ORC3: variants seen among roughly 807,000 people sequenced by gnomAD.
The protein encoded by ORC3 is origin recognition complex subunit 3.
Under a neutral mutation model 100.7 loss-of-function variants are expected in ORC3, and 78 were observed. The observed-to-expected ratio is 0.77, with a 90% CI of 0.65 to 0.94. ORC3 has a LOEUF of 0.94. Ranked by LOEUF, ORC3 falls within the 40% of genes least tolerant of loss-of-function variation. The pLI is 0.00. For synonymous variants in ORC3, 295 were observed against 289.3 expected (o/e 1.02, Z -0.20); for missense variants, 789 against 823.9 (o/e 0.96, Z 0.52).
intron 12 of ORC3, among the ~76,000 whole-genome samples, chr6:87,636,055 C>T (rs1329632808): frequency 2.0e-5 from 3 of 151,578 alleles, no homozygotes; most frequent in African/African-American, 7.3e-5. Flanking sequence ...CACCATTCTC[C>T]TGCCTCAGCC....
intron 13 of ORC3, among the ~76,000 whole-genome samples, chr6:87,649,882 A>T (rs1171166400): frequency 6.6e-6 from 1 of 152,094 alleles, no homozygotes; most frequent in African/African-American, 2.4e-5. Flanking sequence ...GGCTTTTTTA[A>T]TATAGGTCAT....
At chr6:87,596,282 C>T (rs1325790805) in intron 2 of ORC3, among the ~76,000 whole-genome samples, 9 of 151,760 alleles carry the variant, frequency 5.9e-5, no homozygotes, top group Non-Finnish European at 7.4e-5. Context: ...TACAGGCATG[C>T]GCCACAATGC....
In ORC3 at chr6:87,603,395, G is replaced by C. The variant is rs1404963390; in HGVS notation, c.189G>C (p.Glu63Asp). Residue 63 changes from glutamate (E) to aspartate (D), a missense_variant, in exon 4 of 20, where the codon GAG (glutamate) becomes GAC (aspartate). Physicochemically the swap from Glu to Asp is conservative, Grantham distance 45. Transcript: ENST00000392844. ...TGTGTTCTTTGTAGCGACTACAAGA[G>C]GAATTAAATAAAAACTTGTTTGACA... ...QMKSENERLQ[E>D]ELNKNLFDNL... is the part of the protein sequence containing the mutation. 6.7e-7 allele frequency: 1 copy of C among 1,489,354 alleles called. No homozygotes were observed. The highest frequency in any genetic ancestry group is 1.7e-5 in the Admixed American group (1 of 58,414). 92.3% of individuals were successfully genotyped at this position (1,489,354 alleles called of 1,614,324 possible). A position where few individuals can be genotyped will look rare whatever the true frequency, so the allele number is the denominator to read the frequency against.
intron 11 of ORC3, among the ~76,000 whole-genome samples, chr6:87,630,490 A>G (rs779508986): frequency 9.9e-5 from 15 of 152,196 alleles, no homozygotes; most frequent in Non-Finnish European, 8.8e-5. Flanking sequence ...TCTAGTGCCT[A>G]TTATGTGCCC....
At position 87,663,149 on chromosome 6, in the gene ORC3, G is replaced by A; in HGVS notation, c.1833+5G>A. On this transcript the variant is annotated splice_donor_5th_base_variant and intron_variant, in intron 17 of 19. Transcript: ENST00000392844. The stretch of plus-strand genomic sequence containing the variant: ...AATCCTTACTATTATCTCAAGGTAA[G>A]ATGAACATTTAGTTTTCTGATAGTT... 1 of 1,606,512 alleles carries A rather than the reference G, an allele frequency of 6.2e-7. No homozygotes were observed. The highest frequency in any genetic ancestry group is 8.5e-7 in the Non-Finnish European group (1 of 1,174,474).
intron 13 of ORC3, among the ~76,000 whole-genome samples, chr6:87,647,540 A>G (rs556129223): frequency 6.6e-6 from 1 of 152,276 alleles, no homozygotes; most frequent in South Asian, 2.1e-4. Context: ...TTTTTCCATA[A>G]CATTTATCAA....
chr6:87,600,598 A>T (rs1777822630), intron 2 of ORC3, among the ~76,000 whole-genome samples: 1 of 152,216 alleles, frequency 6.6e-6, no homozygotes. Context: ...TAATTAAAAC[A>T]GTTCAAGACT....
chr6:87,634,780 G>A (rs943777383), intron 11 of ORC3, 65 bp from the exon 12 acceptor site: 3 of 796,276 alleles, frequency 3.8e-6, no homozygotes, highest in Non-Finnish European at 6.5e-6. Context: ...CCATGAAGTA[G>A]ATTGTATTAT....
chr6:87,675,481 G>T, the ORC3 span: 1 of 1,452,134 alleles, frequency 6.9e-7, no homozygotes, highest in Non-Finnish European at 9.6e-7. Context: ...ACTGACGAAA[G>T]CTTGAAATAA....
chr6:87,636,609 A>G, intron 13 of ORC3, 123 bp downstream of exon 13: 1 of 643,222 alleles, frequency 1.6e-6, no homozygotes, highest in East Asian at 2.7e-5. Context: ...GTCTAAGAAT[A>G]TTTGCATATA....
chr6:87,602,555 C>T (rs904011554), intron 3 of ORC3, among the ~76,000 whole-genome samples: 1 of 151,788 alleles, frequency 6.6e-6, no homozygotes, highest in Admixed American at 6.6e-5. Context: ...TTATTACTGC[C>T]GCCTACCAGT....
At chr6:87,676,009 C>T in the ORC3 span, 5 of 1,199,766 alleles carry the variant, frequency 4.2e-6, no homozygotes, top group Non-Finnish European at 4.8e-6. Context: ...ACAAAATATA[C>T]AGTAAAACAA....
intron 10 of ORC3, 144 bp downstream of exon 10, chr6:87,621,631 G>A: frequency 1.5e-6 from 1 of 679,574 alleles, no homozygotes; most frequent in East Asian, 3.3e-5. Flanking sequence ...TGTTGGATTT[G>A]AAAATTTGGC....
chr6:87,666,975 T>G (rs1471174361), intron 19 of ORC3, 43 bp from the exon 20 acceptor site: 1 of 1,233,380 alleles, frequency 8.1e-7, no homozygotes, highest in Non-Finnish European at 1.2e-6. Context: ...TCCCTTTTTG[T>G]CAAAAATACA....
At chr6:87,644,893 T>TGA (rs373275875) in intron 13 of ORC3, among the ~76,000 whole-genome samples, 23 of 152,242 alleles carry the variant, frequency 1.5e-4, no homozygotes, top group African/African-American at 5.5e-4. Context: ...TATTTGAACT[T>TGA]ACTCAAGTTG....
At chr6:87,655,190 T>C (rs915658181) in intron 14 of ORC3, among the ~76,000 whole-genome samples, 3 of 152,106 alleles carry the variant, frequency 2.0e-5, no homozygotes, top group African/African-American at 7.2e-5. Flanking sequence ...GAGTGTCATA[T>C]CAGATTTTTT....
intron 11 of ORC3, among the ~76,000 whole-genome samples, chr6:87,632,884 AT>A (rs1221516249): frequency 6.6e-6 from 1 of 152,122 alleles, no homozygotes; most frequent in African/African-American, 2.4e-5. Flanking sequence ...AAAACAAAAC[AT>A]TTTTTAAACA....
chr6:87,603,107 G>T (rs1182685188), intron 3 of ORC3, among the ~76,000 whole-genome samples: 1 of 150,462 alleles, frequency 6.6e-6, no homozygotes, highest in Non-Finnish European at 1.5e-5. Flanking sequence ...AGCTTCCCTA[G>T]AAGCTGGGAC....
Position 87,609,229 on chromosome 6 carries a change from G to A in ORC3, c.713G>A (p.Ser238Asn). The A allele has an allele frequency of 6.3e-7, 1 of 1,580,892 alleles. No individual in the cohort carries two copies. ...KVLQDFIIIS[S>N]QHLHEFPLIL... ...CTACAAGACTTCATAATTATCAGCAGGTAGATGGTGTATTACCTGGCTTTT... is the reference window on the plus strand; with the variant it reads ...CTACAAGACTTCATAATTATCAGCAAGTAGATGGTGTATTACCTGGCTTTT... Residue 238 changes from serine to asparagine, a missense_variant and splice_region_variant, in exon 7 of 20, where the codon AGT (serine) becomes AAT (asparagine). This residue lies in a region of ORC3 where 399 missense variants were observed against 382.0 expected (regional missense o/e 1.04). Transcript: ENST00000392844.
Sources: allele counts gnomAD v4.1 joint callset (sites outside exome capture counted in the v4.1 genomes callset), GRCh38; gene constraint gnomAD v4.1.1; regional missense constraint gnomAD v4.1.1; transcripts MANE v1.5; gene names NCBI Gene and HGNC (gene_info 2026-07-23, HGNC 2026-07-21).